The following TENM2 variants were observed in gnomAD, a reference collection of about 807,000 sequenced individuals.
TENM2 encodes teneurin transmembrane protein 2, also known as teneurin-2.
Under a neutral mutation model 245.2 loss-of-function variants are expected in TENM2, and 52 were observed. The ratio of observed to expected loss-of-function variants is 0.21; its 90% CI spans 0.17 to 0.27. TENM2 has a LOEUF of 0.27. TENM2 is among the 10% of genes least tolerant of loss of function. TENM2 has a pLI of 1.00. For synonymous variants in TENM2, 1,363 were observed against 1,438.9 expected (o/e 0.95, Z 1.19); for missense variants, 3,046 against 3,666.8 (o/e 0.83, Z 4.37).
intron 2 of TENM2, among the ~76,000 whole-genome samples, chr5:167,617,186 T>C (rs1199492485): frequency 1.3e-5 from 2 of 152,146 alleles, no homozygotes; most frequent in Non-Finnish European, 2.9e-5. Context: ...TTTTAATGTA[T>C]TTTCTCTGCA....
At chr5:167,597,782 T>G (rs141186960) in intron 2 of TENM2, among the ~76,000 whole-genome samples, 94 of 152,366 alleles carry the variant, frequency 6.2e-4, no homozygotes, top group African/African-American at 2.1e-3. Context: ...TTTCATAGTA[T>G]TCTGTACAAA....
intron 2 of TENM2, among the ~76,000 whole-genome samples, chr5:167,445,336 TAGAGAG>T (rs1554154174): frequency 1.3e-5 from 1 of 77,316 alleles, no homozygotes; most frequent in Non-Finnish European, 2.4e-5. Flanking sequence ...TATATATATA[TAGAGAG>T]AGAGAGAGAG....
the TENM2 span, among the ~76,000 whole-genome samples, chr5:167,037,080 G>C: frequency 6.6e-6 from 1 of 152,090 alleles, no homozygotes; most frequent in African/African-American, 2.4e-5. Flanking sequence ...TCTCTCCTTT[G>C]ATCTGAATTT....
chr5:167,353,833 A>T (rs572819204), intron 1 of TENM2, among the ~76,000 whole-genome samples: 9 of 152,186 alleles, frequency 5.9e-5, no homozygotes, highest in African/African-American at 1.9e-4. Context: ...TTAAAAGAAA[A>T]TTTTTTTGGA....
intron 2 of TENM2, among the ~76,000 whole-genome samples, chr5:167,808,081 T>G (rs1448171448): frequency 5.3e-5 from 8 of 152,188 alleles, no homozygotes; most frequent in Non-Finnish European, 8.8e-5. Flanking sequence ...CTCAGCAGGA[T>G]GTAGTATAGA....
intron 9 of TENM2, among the ~76,000 whole-genome samples, chr5:168,109,798 T>G (rs1299160817): frequency 2.0e-5 from 3 of 152,168 alleles, no homozygotes; most frequent in Non-Finnish European, 4.4e-5. Context: ...GTCGCATCAC[T>G]TTTGACCTCT....
intron 5 of TENM2, among the ~76,000 whole-genome samples, chr5:168,031,564 C>A (rs772451750): frequency 2.6e-5 from 4 of 151,782 alleles, no homozygotes; most frequent in Non-Finnish European, 5.9e-5. Context: ...TTTTATGATT[C>A]CCATTTTGCA....
At chr5:168,261,991 T>C in intron 28 of TENM2, 58 bp from the exon 31 acceptor site, 1 of 1,546,016 alleles carries the variant, frequency 6.5e-7, no homozygotes, top group Non-Finnish European at 8.8e-7. Flanking sequence ...TTGTGACTCT[T>C]TTTGAGAGAG....
the TENM2 span, among the ~76,000 whole-genome samples, chr5:167,155,361 A>T: frequency 8.5e-5 from 13 of 152,352 alleles, no homozygotes; most frequent in Admixed American, 6.5e-4. Flanking sequence ...AATAATATTG[A>T]GAAACCTATA....
chr5:167,785,732 A>T (rs1156323930), intron 2 of TENM2, among the ~76,000 whole-genome samples: 1 of 152,220 alleles, frequency 6.6e-6, no homozygotes, highest in African/African-American at 2.4e-5. Context: ...AGACTTTAGA[A>T]ACTGGCAAAT....
intron 2 of TENM2, among the ~76,000 whole-genome samples, chr5:167,618,758 A>C (rs1038332597): frequency 2.0e-5 from 3 of 152,090 alleles, no homozygotes; most frequent in African/African-American, 7.2e-5. Flanking sequence ...TCTCAGCTAG[A>C]GGCTTTCCAT....
At chr5:167,697,541 T>G (rs543968675) in intron 2 of TENM2, among the ~76,000 whole-genome samples, 4 of 152,274 alleles carry the variant, frequency 2.6e-5, no homozygotes, top group African/African-American at 9.6e-5. Flanking sequence ...GTTATCAATT[T>G]TTTTTTGAGA....
At chr5:167,164,066 T>C in the TENM2 span, among the ~76,000 whole-genome samples, 1 of 152,208 alleles carries the variant, frequency 6.6e-6, no homozygotes. Context: ...ACCCTTTTTT[T>C]TTCCAAATCA....
At chr5:167,501,383 C>T (rs767778541) in intron 2 of TENM2, among the ~76,000 whole-genome samples, 5 of 152,056 alleles carry the variant, frequency 3.3e-5, no homozygotes, top group African/African-American at 7.2e-5. Context: ...TCTTCTCTAC[C>T]GTGGCAACCA....
chr5:167,396,280 A>T (rs1762045320), intron 2 of TENM2, among the ~76,000 whole-genome samples: 1 of 152,198 alleles, frequency 6.6e-6, no homozygotes, highest in Admixed American at 6.5e-5. Context: ...ATTCAGCCAT[A>T]AAAATAAGAA....
intron 2 of TENM2, among the ~76,000 whole-genome samples, chr5:167,552,302 T>C (rs1772998741): frequency 6.6e-6 from 1 of 152,216 alleles, no homozygotes; most frequent in Non-Finnish European, 1.5e-5. Flanking sequence ...GGTGCTGTAG[T>C]CCTTTTTCAG....
the TENM2 span, among the ~76,000 whole-genome samples, chr5:167,012,282 A>G: frequency 1.3e-5 from 2 of 152,160 alleles, no homozygotes; most frequent in African/African-American, 4.8e-5. Context: ...TTTAAGACAT[A>G]TTTACCAAAT....
intron 2 of TENM2, among the ~76,000 whole-genome samples, chr5:167,647,465 A>C (rs1216888877): frequency 6.6e-6 from 1 of 152,114 alleles, no homozygotes; most frequent in Non-Finnish European, 1.5e-5. Flanking sequence ...TCTACTAAAA[A>C]TACAAAAATT....
At chr5:167,850,475 C>T (rs996650612) in intron 2 of TENM2, among the ~76,000 whole-genome samples, 2 of 152,100 alleles carry the variant, frequency 1.3e-5, no homozygotes, top group Non-Finnish European at 2.9e-5. Flanking sequence ...AGACTCGGGA[C>T]TGTACTAGAA....
Sources: allele counts gnomAD v4.1 joint callset (sites outside exome capture counted in the v4.1 genomes callset), GRCh38; gene constraint gnomAD v4.1.1; transcripts MANE v1.5; gene names NCBI Gene and HGNC (gene_info 2026-07-23, HGNC 2026-07-21).